The following LOC128706666 variants were observed in gnomAD, a reference collection of about 807,000 sequenced individuals.
chr20:10,430,453 T>C, the LOC128706666 span, among the ~76,000 whole-genome samples: 5 of 152,208 alleles, frequency 3.3e-5, no homozygotes, highest in Admixed American at 6.5e-5. Flanking sequence ...TTAGCTATTA[T>C]TATTTTGATT....
At chr20:10,415,412 T>C in the LOC128706666 span, among the ~76,000 whole-genome samples, 9 of 152,216 alleles carry the variant, frequency 5.9e-5, no homozygotes, top group Non-Finnish European at 8.8e-5. Context: ...GCAAATGTTA[T>C]TTTGGTTACC....
the LOC128706666 span, among the ~76,000 whole-genome samples, chr20:10,424,590 AAAAT>A: frequency 4.6e-5 from 7 of 152,218 alleles, no homozygotes; most frequent in African/African-American, 1.4e-4. Flanking sequence ...TACAAAAAAA[AAAAT>A]AGTTTTCAAA....
At chr20:10,421,920 C>T in the LOC128706666 span, among the ~76,000 whole-genome samples, 1 of 152,028 alleles carries the variant, frequency 6.6e-6, no homozygotes, top group Admixed American at 6.6e-5. Flanking sequence ...ACTGCTCCAC[C>T]ATCTATGAGA....
At chr20:10,431,450 T>C in the LOC128706666 span, among the ~76,000 whole-genome samples, 3 of 152,100 alleles carry the variant, frequency 2.0e-5, no homozygotes, top group Non-Finnish European at 2.9e-5. Context: ...ATGATTCTTG[T>C]CCTCAAGGAG....
chr20:10,429,647 C>T, the LOC128706666 span, among the ~76,000 whole-genome samples: 1 of 152,300 alleles, frequency 6.6e-6, no homozygotes, highest in East Asian at 1.9e-4. Context: ...ATATACTGGA[C>T]TCTGCCCTTT....
chr20:10,427,882 C>A, the LOC128706666 span, among the ~76,000 whole-genome samples: 3 of 152,190 alleles, frequency 2.0e-5, no homozygotes, highest in Admixed American at 2.0e-4. Flanking sequence ...CCCACCAAAC[C>A]ATTCAAGGTC....
chr20:10,413,989 G>A, the LOC128706666 span: 1 of 397,208 alleles, frequency 2.5e-6, no homozygotes, highest in Non-Finnish European at 4.4e-6. Flanking sequence ...TTTGTAGACT[G>A]CAGTTTAATA....
the LOC128706666 span, among the ~76,000 whole-genome samples, chr20:10,414,617 A>G: frequency 4.2e-4 from 64 of 152,170 alleles, no homozygotes; most frequent in Non-Finnish European, 6.8e-4. Flanking sequence ...CAACATGAAG[A>G]TTTAATATTA....
At chr20:10,429,539 A>G in the LOC128706666 span, among the ~76,000 whole-genome samples, 2 of 152,130 alleles carry the variant, frequency 1.3e-5, no homozygotes, top group Non-Finnish European at 2.9e-5. Flanking sequence ...TCATATAAAA[A>G]TAAGTCCTCT....
chr20:10,427,029 G>GACACACACACAGACACACAC, the LOC128706666 span, among the ~76,000 whole-genome samples: 776 of 130,754 alleles, frequency 5.9e-3, 9 homozygotes, highest in Middle Eastern at 0.013. Context: ...AGAAAACACT[G>GACACACACACAGACACACAC]ACACACACAC....
At chr20:10,434,156 C>G in the LOC128706666 span, 2 of 152,638 alleles carry the variant, frequency 1.3e-5, no homozygotes, top group Non-Finnish European at 2.9e-5. Context: ...CCAGAGGCCC[C>G]AGAAACAGAT....
At chr20:10,425,021 C>G in the LOC128706666 span, among the ~76,000 whole-genome samples, 4 of 151,398 alleles carry the variant, frequency 2.6e-5, no homozygotes, top group Admixed American at 2.6e-4. Flanking sequence ...CCATTGCACT[C>G]CCACCTAGGC....
the LOC128706666 span, among the ~76,000 whole-genome samples, chr20:10,427,548 T>C: frequency 6.6e-6 from 1 of 152,262 alleles, no homozygotes; most frequent in Non-Finnish European, 1.5e-5. Flanking sequence ...TCTTCATTTC[T>C]GAATTCTCAT....
the LOC128706666 span, among the ~76,000 whole-genome samples, chr20:10,415,679 C>T: frequency 3.2e-4 from 49 of 152,256 alleles, no homozygotes; most frequent in South Asian, 1.7e-3. Flanking sequence ...TTAATTTGCA[C>T]GTTAAAACTT....
At chr20:10,414,163 CACA>C in the LOC128706666 span, among the ~76,000 whole-genome samples, 2 of 151,900 alleles carry the variant, frequency 1.3e-5, no homozygotes, top group East Asian at 1.9e-4. Context: ...TTCTGTAAGG[CACA>C]ACAACATGGC....
At chr20:10,429,464 C>T in the LOC128706666 span, among the ~76,000 whole-genome samples, 2 of 152,160 alleles carry the variant, frequency 1.3e-5, no homozygotes, top group African/African-American at 2.4e-5. Flanking sequence ...CAGCTTAGAC[C>T]CACATAATAA....
At chr20:10,423,625 G>C in the LOC128706666 span, among the ~76,000 whole-genome samples, 2 of 152,180 alleles carry the variant, frequency 1.3e-5, no homozygotes, top group Non-Finnish European at 2.9e-5. Context: ...TTTGAGAAGA[G>C]TGAAAATTAT....
At chr20:10,425,288 T>C in the LOC128706666 span, among the ~76,000 whole-genome samples, 2 of 152,220 alleles carry the variant, frequency 1.3e-5, no homozygotes, top group African/African-American at 4.8e-5. Context: ...TTGATTATAA[T>C]GGCGATATCC....
At chr20:10,428,181 T>C in the LOC128706666 span, among the ~76,000 whole-genome samples, 1 of 152,228 alleles carries the variant, frequency 6.6e-6, no homozygotes, top group Non-Finnish European at 1.5e-5. Flanking sequence ...TTTATCACAA[T>C]GGTTGTAGTG....
Sources: allele counts gnomAD v4.1 joint callset (sites outside exome capture counted in the v4.1 genomes callset), GRCh38; gene constraint gnomAD v4.1.1; transcripts MANE v1.5.